The following GPC6 variants were observed in gnomAD, a reference collection of about 807,000 sequenced individuals.
GPC6 encodes glypican 6, also known as glypican-6.
A neutral mutation model predicts 55.2 loss-of-function variants in GPC6; 14 were observed. That is an observed-to-expected ratio of 0.25 (90% CI 0.17 to 0.40). GPC6 has a LOEUF of 0.40. Among genes scored for constraint, GPC6 ranks in the 10% least tolerant of loss-of-function variants. The probability of loss-of-function intolerance (pLI) is 1.00; values close to 1 mark genes in which losing one functional copy is unlikely to be tolerated. For synonymous variants in GPC6, 278 were observed against 259.6 expected, an observed-to-expected ratio of 1.07 and a Z score of -0.68; for missense variants, 641 against 708.5, an observed-to-expected ratio of 0.90 and a Z score of 1.08.
intron 6 of GPC6, among the ~76,000 whole-genome samples, chr13:94,371,440 T>C (rs755673218): frequency 1.3e-5 from 2 of 152,100 alleles, no homozygotes; most frequent in Non-Finnish European, 2.9e-5. Context: ...GCATCTGCAT[T>C]TGAATTTGAA....
At chr13:94,173,634 G>A (rs1413127415) in intron 4 of GPC6, among the ~76,000 whole-genome samples, 1 of 152,122 alleles carries the variant, frequency 6.6e-6, no homozygotes, top group African/African-American at 2.4e-5. Flanking sequence ...AGGTTTCAGT[G>A]TATGCCCAAG....
At chr13:93,543,154 G>T (rs6139935) in intron 1 of GPC6, among the ~76,000 whole-genome samples, 5 of 152,086 alleles carry the variant, frequency 3.3e-5, no homozygotes, top group Non-Finnish European at 7.4e-5. Context: ...GATATTGGCT[G>T]TGGGTTTGTC....
chr13:94,221,963 A>G (rs1594072094), intron 4 of GPC6, among the ~76,000 whole-genome samples: 1 of 152,168 alleles, frequency 6.6e-6, no homozygotes, highest in South Asian at 2.1e-4. Context: ...TTAAAAGTCA[A>G]GAACTTCCTA....
intron 1 of GPC6, among the ~76,000 whole-genome samples, chr13:93,413,628 A>G (rs931134477): frequency 6.6e-6 from 1 of 151,898 alleles, no homozygotes; most frequent in East Asian, 1.9e-4. Flanking sequence ...TTATTCAGTA[A>G]TGCAATCATA....
intron 1 of GPC6, among the ~76,000 whole-genome samples, chr13:93,335,146 T>G (rs1398370822): frequency 6.6e-6 from 1 of 152,190 alleles, no homozygotes; most frequent in Non-Finnish European, 1.5e-5. Flanking sequence ...AGAAGGCAGG[T>G]GTCTCTAGGT....
At chr13:93,463,028 C>CT (rs1878759522) in intron 1 of GPC6, among the ~76,000 whole-genome samples, 1 of 152,088 alleles carries the variant, frequency 6.6e-6, no homozygotes, top group Admixed American at 6.6e-5. Context: ...TTAGGACAAT[C>CT]TTTTTTGTTG....
At chr13:94,316,316 T>G (rs1037836376) in intron 6 of GPC6, among the ~76,000 whole-genome samples, 1 of 152,184 alleles carries the variant, frequency 6.6e-6, no homozygotes, top group Admixed American at 6.5e-5. Flanking sequence ...AACTTTGAGT[T>G]CAATCATCAT....
At chr13:93,504,507 C>G (rs572410307) in intron 1 of GPC6, among the ~76,000 whole-genome samples, 4 of 103,744 alleles carry the variant, frequency 3.9e-5, no homozygotes, top group Admixed American at 1.1e-4. Flanking sequence ...TTTCTGCTTT[C>G]CCTCACTGGA....
chr13:93,683,246 A>G (rs188183598), intron 2 of GPC6, among the ~76,000 whole-genome samples: 205 of 149,520 alleles, frequency 1.4e-3, no homozygotes, highest in African/African-American at 4.9e-3. Flanking sequence ...CTGTTAAGTA[A>G]CTATAGGAAA....
chr13:93,231,389 A>ATATG (rs1555336139), intron 1 of GPC6, among the ~76,000 whole-genome samples: 19 of 20,894 alleles, frequency 9.1e-4, no homozygotes, highest in East Asian at 4.6e-3. Context: ...ACATATATAT[A>ATATG]TATATATGTA....
At chr13:94,186,449 C>T (rs1889190211) in intron 4 of GPC6, among the ~76,000 whole-genome samples, 1 of 152,190 alleles carries the variant, frequency 6.6e-6, no homozygotes, top group Non-Finnish European at 1.5e-5. Flanking sequence ...CTACTTCACC[C>T]AGTCTTTCCA....
At chr13:94,276,977 G>A (rs762213181) in intron 4 of GPC6, among the ~76,000 whole-genome samples, 1 of 152,088 alleles carries the variant, frequency 6.6e-6, no homozygotes, top group African/African-American at 2.4e-5. Context: ...TAAGTAAATT[G>A]GTATTTCTGG....
intron 1 of GPC6, among the ~76,000 whole-genome samples, chr13:93,373,113 C>T (rs1362890368): frequency 6.6e-6 from 1 of 152,122 alleles, no homozygotes; most frequent in Non-Finnish European, 1.5e-5. Context: ...ACCTATCAAA[C>T]AATCGTATTC....
chr13:94,190,463 C>T (rs1356679833), intron 4 of GPC6, among the ~76,000 whole-genome samples: 2 of 152,124 alleles, frequency 1.3e-5, no homozygotes, highest in African/African-American at 4.8e-5. Flanking sequence ...ACCAAATGAT[C>T]CATCACTTTA....
chr13:94,291,610 A>G (rs1310033946), intron 5 of GPC6, among the ~76,000 whole-genome samples: 1 of 152,204 alleles, frequency 6.6e-6, no homozygotes, highest in Non-Finnish European at 1.5e-5. Context: ...TTCATTTTCC[A>G]TATAAGCCAC....
At chr13:94,295,470 C>G (rs1331458548) in intron 5 of GPC6, among the ~76,000 whole-genome samples, 1 of 152,016 alleles carries the variant, frequency 6.6e-6, no homozygotes, top group African/African-American at 2.4e-5. Flanking sequence ...CAATCCACAC[C>G]CCTTCATTAA....
chr13:93,338,951 T>C (rs1880138599), intron 1 of GPC6, among the ~76,000 whole-genome samples: 1 of 152,194 alleles, frequency 6.6e-6, no homozygotes, highest in Admixed American at 6.5e-5. Flanking sequence ...CCATCTATTC[T>C]TGGTGCTGTT....
intron 1 of GPC6, among the ~76,000 whole-genome samples, chr13:93,274,911 TTACCTAAGATTGCA>T (rs1877675031): frequency 6.6e-6 from 1 of 152,196 alleles, no homozygotes. Context: ...AATTAGGGTC[TTACCTAAGATTGCA>T]TAAAAGACTA....
intron 3 of GPC6, among the ~76,000 whole-genome samples, chr13:93,926,074 G>T (rs1877842199): frequency 6.6e-6 from 1 of 152,156 alleles, no homozygotes; most frequent in Non-Finnish European, 1.5e-5. Context: ...CTGCCAGCAA[G>T]CATTCCAATA....
Sources: allele counts gnomAD v4.1 joint callset (sites outside exome capture counted in the v4.1 genomes callset), GRCh38; gene constraint gnomAD v4.1.1; transcripts MANE v1.5; gene names NCBI Gene and HGNC (gene_info 2026-07-23, HGNC 2026-07-21).